The following JRK variants were observed in gnomAD, a reference collection of about 807,000 sequenced individuals.
The protein encoded by JRK is jerky protein homolog.
For synonymous variants in JRK, 303 were observed against 218.1 expected (o/e 1.39, Z -3.43); for missense variants, 720 against 509.2 (o/e 1.41, Z -3.98).
At chr8:142,650,991 G>A in the JRK span, among the ~76,000 whole-genome samples, 1 of 152,106 alleles carries the variant, frequency 6.6e-6, no homozygotes, top group Non-Finnish European at 1.5e-5. Context: ...TTTCTTTAAG[G>A]AGTTTCTTTA....
At position 142,665,269 on chromosome 8, in the gene JRK, T is replaced by C. The variant is rs372091531; in HGVS notation, c.790A>G (p.Lys264Glu). 3.1e-4 allele frequency: 221 copies of C among 717,750 alleles called. No individual in the cohort carries two copies. The highest frequency in any genetic ancestry group is 5.1e-4 in the Non-Finnish European group (197 of 385,088). The allele number at this position is 717,750 out of a possible 1,614,324, so 44.5% of individuals were successfully genotyped here. ...YKAQGNAWVDKEIFSDWFHHI... is the reference protein window; with the variant it reads ...YKAQGNAWVDEEIFSDWFHHI... ...TGGAACCAATCGGAAAAAATCTCCT[T>C]GTCCACCCAGGCGTTCCCCTGGGCC... is the stretch of plus-strand genomic sequence containing the variant. Residue 264 changes from lysine (K) to glutamate (E), a missense_variant, in exon 2 of 2, where the codon AAG becomes GAG. Physicochemically the swap from Lys to Glu is moderately conservative, Grantham distance 56. Transcript: ENST00000612905.
At chr8:142,667,432 GACACACACAC>G (rs59385009) in intron 1 of JRK, among the ~76,000 whole-genome samples, 2,732 of 146,636 alleles carry the variant, frequency 0.019, 49 homozygotes, top group African/African-American at 0.055. Flanking sequence ...CGGACACGGA[GACACACACAC>G]ACACACACAC....
At position 142,664,646 on chromosome 8, in the gene JRK, A is replaced by G; in HGVS notation, c.1413T>C (p.Ala471=). The part of the protein sequence containing the change: ...VVWSSEKTPK[A]DQDGRGDPGE... ...CAGGATCTCCTCTGCCGTCCTGGTC[A>G]GCTTTCGGAGTCTTTTCTGAACTCC... Residue 471 remains alanine, a synonymous_variant, in exon 2 of 2, where the codon GCT becomes GCC. Coordinates refer to ENST00000612905, the MANE Select transcript of JRK (RefSeq NM_003724.4). 6.2e-7 allele frequency: 1 copy of G among 1,611,678 alleles called. No homozygotes were observed. Among genetic ancestry groups the G allele is most frequent in the Non-Finnish European group, 8.5e-7 (1 of 1,179,350 alleles).
chr8:142,646,352 C>A, the JRK span, among the ~76,000 whole-genome samples: 1 of 152,142 alleles, frequency 6.6e-6, no homozygotes, highest in Admixed American at 6.5e-5. Context: ...AAGATGATAA[C>A]AAACCCTACT....
the JRK span, among the ~76,000 whole-genome samples, chr8:142,651,638 A>G: frequency 1.3e-5 from 2 of 151,918 alleles, no homozygotes; most frequent in Non-Finnish European, 2.9e-5. Flanking sequence ...GTCAGATAGA[A>G]TTGGTCAAAC....
chr8:142,659,526 C>A lies in JRK; in HGVS notation c.*4826G>T. ...TAGGGCCCAGCCATGGCCAGTGGGC[C>A]TCCCACAATCTGCCCCTGGGTGCAG... is the stretch of plus-strand genomic sequence containing the variant. On this transcript the variant is annotated 3_prime_UTR_variant, in exon 2 of 2. Transcript: ENST00000612905. The A allele has an allele frequency of 1.0e-6, 1 of 985,766 alleles. No homozygotes were observed. The highest frequency in any genetic ancestry group is 1.2e-6 in the Non-Finnish European group (1 of 830,170). 61.1% of individuals were successfully genotyped at this position (985,766 alleles called of 1,614,324 possible). A position where few individuals can be genotyped will look rare whatever the true frequency, so the allele number is the denominator to read the frequency against.
At chr8:142,648,305 G>A in the JRK span, among the ~76,000 whole-genome samples, 1 of 152,228 alleles carries the variant, frequency 6.6e-6, no homozygotes, top group Admixed American at 6.5e-5. Flanking sequence ...CAAGACAATG[G>A]GGAAAATGTC....
rs1446442485 is a variant in JRK at position 142,661,769 on chromosome 8, C to A, written c.*2583G>T. 1.9e-5 allele frequency: 19 copies of A among 985,408 alleles called. No homozygotes were observed. Among genetic ancestry groups the A allele is most frequent in the Non-Finnish European group, 1.9e-5 (16 of 830,008 alleles). The allele number at this position is 985,408 out of a possible 1,614,324, so 61.0% of individuals were successfully genotyped here. Reference sequence around the variant, plus strand: ...TGCTGTGGTGTCTGGTACAGCGGGGCTCCACCTGAGAGGGCTTGGGGAAAA... The same window carrying A: ...TGCTGTGGTGTCTGGTACAGCGGGGATCCACCTGAGAGGGCTTGGGGAAAA... On this transcript the variant is annotated 3_prime_UTR_variant, in exon 2 of 2. Transcript: ENST00000612905.
rs1249525022 is a variant in JRK, at chr8:142,661,549, G to A, written c.*2803C>T. Reference sequence around the variant, plus strand: ...GCACCTGCTACCCCACGAGCCACTGGAAAACTGAGGCTGCAACTTGCAGGG... The same window carrying A: ...GCACCTGCTACCCCACGAGCCACTGAAAAACTGAGGCTGCAACTTGCAGGG... On this transcript the variant is annotated 3_prime_UTR_variant, in exon 2 of 2. Coordinates refer to ENST00000612905, the MANE Select transcript of JRK (RefSeq NM_003724.4). 2 of 985,420 alleles carry A rather than the reference G, an allele frequency of 2.0e-6. No homozygotes were observed. Among genetic ancestry groups the A allele is most frequent in the Non-Finnish European group, 2.4e-6 (2 of 829,998 alleles). The allele number at this position is 985,420 out of a possible 1,614,324, so 61.0% of individuals were successfully genotyped here. A position where few individuals can be genotyped will look rare whatever the true frequency, so the allele number is the denominator to read the frequency against.
chr8:142,655,106 C>A (rs1039167641), downstream of JRK, among the ~76,000 whole-genome samples: 1 of 152,202 alleles, frequency 6.6e-6, no homozygotes, highest in Non-Finnish European at 1.5e-5. Context: ...TCCCTCTCTG[C>A]CTTTGCATGC....
chr8:142,662,134 G>A lies in JRK; in HGVS notation c.*2218C>T. 2 of 985,992 alleles carry A rather than the reference G, an allele frequency of 2.0e-6. No individual in the cohort carries two copies. The highest frequency in any genetic ancestry group is 2.4e-6 in the Non-Finnish European group (2 of 830,378). 61.1% of individuals were successfully genotyped at this position (985,992 alleles called of 1,614,324 possible). A position where few individuals can be genotyped will look rare whatever the true frequency, so the allele number is the denominator to read the frequency against. ...TTGGTCTGGAAGAGGGGCACCCTGA[G>A]GACACAGCCACTCACTGGGGACAAG... On this transcript the variant is annotated 3_prime_UTR_variant, in exon 2 of 2. Transcript: ENST00000612905.
rs782766911 is a variant in JRK at position 142,658,975 on chromosome 8, AG to A, written c.*5376del. The A allele has an allele frequency of 6.2e-7, 1 of 1,604,810 alleles. No homozygotes were observed. Among genetic ancestry groups the A allele is most frequent in the Admixed American group, 1.7e-5 (1 of 58,676 alleles). ...ACAACAGAACTTTGCTGCTTCATGG[AG>A]GAGCGTCAGTATGTCCACACCATAG... is the stretch of plus-strand genomic sequence containing the variant. On this transcript the variant is annotated 3_prime_UTR_variant, in exon 2 of 2. Coordinates refer to ENST00000612905, the MANE Select transcript of JRK (RefSeq NM_003724.4).
rs2129787485 is a variant in JRK, at chr8:142,666,151, C to T, written c.-93G>A. The T allele has an allele frequency of 9.1e-6, 14 of 1,546,130 alleles. No homozygotes were observed. Among genetic ancestry groups the T allele is most frequent in the Non-Finnish European group, 1.2e-5 (14 of 1,144,930 alleles). ...CTCTCCTCCTGCTCCCCTTCTGGGG[C>T]TCCGTCTCTCCCTCTCCACTCTGCC... is the stretch of plus-strand genomic sequence containing the variant. On this transcript the variant is annotated 5_prime_UTR_variant, in exon 2 of 2. Coordinates refer to ENST00000612905, the MANE Select transcript of JRK (RefSeq NM_003724.4).
chr8:142,661,709 G>A lies in JRK; in HGVS notation c.*2643C>T, dbSNP rs1563791573. On this transcript the variant is annotated 3_prime_UTR_variant, in exon 2 of 2. Transcript: ENST00000612905. ...CTTCCCAGGGGCCTCAGCAGCCCCA[G>A]AAACAGAGTGAAGAGACACAGCCTC... 1.0e-6 allele frequency: 1 copy of A among 985,428 alleles called. No individual in the cohort carries two copies. Among genetic ancestry groups the A allele is most frequent in the Non-Finnish European group, 1.2e-6 (1 of 830,010 alleles). 61.0% of individuals were successfully genotyped at this position (985,428 alleles called of 1,614,324 possible). A position where few individuals can be genotyped will look rare whatever the true frequency, so the allele number is the denominator to read the frequency against.
rs782030159 is a variant in JRK at position 142,664,369 on chromosome 8, T to G, written c.1690A>C (p.Thr564Pro). The G allele has an allele frequency of 6.4e-7, 1 of 1,567,286 alleles. No individual in the cohort carries two copies. Among genetic ancestry groups the G allele is most frequent in the African/African-American group, 1.4e-5 (1 of 73,938 alleles). The change falls in exon 2 of 2, where the codon ACA becomes CCA. Residue 564 changes from threonine to proline, a missense_variant. Physicochemically the swap from Thr to Pro is conservative, Grantham distance 38. Transcript: ENST00000612905. ...TAQSPLPCSS[T>P]AGDN ...AGAAGCCATCAGTTGTCACCTGCTG[T>G]GGATGAGCAGGGCAAGGGAGACTGA...
chr8:142,662,504 A>C lies in JRK; in HGVS notation c.*1848T>G, dbSNP rs986068123. ...AAGTTCCCCAGACAATGAAGCAAAC[A>C]GTGCGGGTGACACCACAAAGACAAT... is the stretch of plus-strand genomic sequence containing the variant. On this transcript the variant is annotated 3_prime_UTR_variant, in exon 2 of 2. Transcript: ENST00000612905. 195 of 985,386 alleles carry C rather than the reference A, an allele frequency of 2.0e-4. 1 individual carries two copies. Among genetic ancestry groups the C allele is most frequent in the Middle Eastern group, 5.2e-4 (1 of 1,938 alleles). 61.0% of individuals were successfully genotyped at this position (985,386 alleles called of 1,614,324 possible).
At position 142,659,128 on chromosome 8, in the gene JRK, C is replaced by T. The variant is rs587632918; in HGVS notation, c.*5224G>A. 5 of 1,351,044 alleles carry T rather than the reference C, an allele frequency of 3.7e-6. No individual in the cohort carries two copies. In the South Asian group the frequency reaches 8.6e-5, roughly 23 times the overall value. 83.7% of individuals were successfully genotyped at this position (1,351,044 alleles called of 1,614,324 possible). On this transcript the variant is annotated 3_prime_UTR_variant, in exon 2 of 2. Coordinates refer to ENST00000612905, the MANE Select transcript of JRK (RefSeq NM_003724.4). ...AATAGAAAAAAGGCTGGCCAGGTGC[C>T]AAGTCCCAGCTCAAGCCTGGCAGCT...
At chr8:142,669,299 G>A (rs1457399264) in intron 1 of JRK, among the ~76,000 whole-genome samples, 1 of 151,978 alleles carries the variant, frequency 6.6e-6, no homozygotes, top group Non-Finnish European at 1.5e-5. Flanking sequence ...GGGGTCAGAA[G>A]GAGAGTATGG....
At position 142,658,565 on chromosome 8, in the gene JRK, C is replaced by T. The variant is rs1181639577; in HGVS notation, c.*5787G>A. The T allele has an allele frequency of 2.2e-5, 6 of 268,028 alleles. No homozygotes were observed. The highest frequency in any genetic ancestry group is 8.5e-5 in the East Asian group (1 of 11,698). 16.6% of individuals were successfully genotyped at this position (268,028 alleles called of 1,614,324 possible). On this transcript the variant is annotated 3_prime_UTR_variant, in exon 2 of 2. Transcript: ENST00000612905. The stretch of plus-strand genomic sequence containing the variant: ...ATGCTCACACAGCACAAAGTGACCT[C>T]GCTCTAGTTCCTTCCTTTTCTTATA...
Sources: allele counts gnomAD v4.1 joint callset (sites outside exome capture counted in the v4.1 genomes callset), GRCh38; gene constraint gnomAD v4.1.1; transcripts MANE v1.5; gene names NCBI Gene and HGNC (gene_info 2026-07-23, HGNC 2026-07-21).